The following BIRC6 variants were observed in gnomAD, a reference collection of about 807,000 sequenced individuals.
BIRC6 encodes dual E2 ubiquitin-conjugating enzyme/E3 ubiquitin-protein ligase BIRC6.
A neutral mutation model predicts 503.3 loss-of-function variants in BIRC6; 98 were observed. The ratio of observed to expected loss-of-function variants is 0.19; its 90% CI spans 0.17 to 0.23. BIRC6 has a LOEUF of 0.23. BIRC6 is among the 10% of genes least tolerant of loss of function. The probability of loss-of-function intolerance (pLI) is 1.00; values close to 1 mark genes in which losing one functional copy is unlikely to be tolerated. For missense variants in BIRC6, 5,360 were observed against 5,806.0 expected (o/e 0.92, Z 2.50); for synonymous variants, 2,240 against 2,078.7 (o/e 1.08, Z -2.11).
chr2:32,465,128 C>T lies in BIRC6; in HGVS notation c.5320C>T (p.Pro1774Ser). 6.2e-7 allele frequency: 1 copy of T among 1,601,574 alleles called. No individual in the cohort carries two copies. The highest frequency in any genetic ancestry group is 8.5e-7 in the Non-Finnish European group (1 of 1,171,802). ...SHASHFLQPPPHQSIIIERMH... is the reference protein window; with the variant it reads ...SHASHFLQPPSHQSIIIERMH... ...TGCTTCACATTTTCTTCAACCTCCG[C>T]CTCACCAGTCCATTATTATAGAGCG... Residue 1774 changes from proline to serine, a missense_variant, in exon 26 of 74, where the codon CCT (proline) becomes TCT (serine). Transcript: ENST00000421745.
rs75045003 is a variant in BIRC6, at chr2:32,606,088, C to A, written c.14071-1367C>A. On this transcript the variant is annotated intron_variant, in intron 71 of 73. Coordinates refer to ENST00000421745, the MANE Select transcript of BIRC6 (RefSeq NM_016252.4). ...GCCCAACAAAAGTGTAATTGCTGTTCTTTTTCATTTATGAATTGCGTAGAT... is the reference window on the plus strand; with the variant it reads ...GCCCAACAAAAGTGTAATTGCTGTTATTTTTCATTTATGAATTGCGTAGAT... Among the ~76,000 whole-genome samples, 289 of 152,202 alleles carry A rather than the reference C, an allele frequency of 1.9e-3. 1 individual carries two copies. Among genetic ancestry groups the A allele is most frequent in the African/African-American group, 6.3e-3 (262 of 41,508 alleles).
intron 6 of BIRC6, among the ~76,000 whole-genome samples, chr2:32,400,131 T>A (rs2040435140): frequency 6.6e-6 from 1 of 152,040 alleles, no homozygotes; most frequent in South Asian, 2.1e-4. Context: ...TGTTTTTAAT[T>A]TAACATTTCT....
chr2:32,424,703 CTA>C (rs1006923337), intron 10 of BIRC6, among the ~76,000 whole-genome samples: 17 of 151,902 alleles, frequency 1.1e-4, no homozygotes, highest in African/African-American at 4.1e-4. Flanking sequence ...AGTAGAGACA[CTA>C]TTTCGCCATG....
At chr2:32,379,072 G>T (rs2037242566) in intron 2 of BIRC6, 1 of 152,144 alleles carries the variant, frequency 6.6e-6, no homozygotes, top group Non-Finnish European at 1.5e-5. Context: ...TATTCACTTA[G>T]ATTTTACATT....
intron 42 of BIRC6, among the ~76,000 whole-genome samples, 173 bp downstream of exon 42, chr2:32,488,887 A>G (rs965790563): frequency 6.6e-6 from 1 of 152,200 alleles, no homozygotes; most frequent in Non-Finnish European, 1.5e-5. Flanking sequence ...GGAAAGATAC[A>G]GGGAGACCTT....
intron 43 of BIRC6, 135 bp downstream of exon 43, chr2:32,490,286 G>A (rs192173937): frequency 1.5e-5 from 11 of 720,224 alleles, no homozygotes; most frequent in Non-Finnish European, 2.3e-5. Flanking sequence ...GGTGGCTCAC[G>A]CCTGTAAACC....
rs573134702 is a variant in BIRC6, at chr2:32,561,461, A to C, written c.13144+11980A>C. On this transcript the variant is annotated intron_variant, in intron 65 of 73. Coordinates refer to ENST00000421745, the MANE Select transcript of BIRC6 (RefSeq NM_016252.4). ...CACCATGTTAACCAGGCAGGTCTGC[A>C]ACTTCTGACCTCAAATGATCTGCCC... Among the ~76,000 whole-genome samples, 173 of 151,840 alleles carry C rather than the reference A, an allele frequency of 1.1e-3. 1 individual carries two copies. Among genetic ancestry groups the C allele is most frequent in the African/African-American group, 4.0e-3 (165 of 41,474 alleles).
rs2055376337 is a variant in BIRC6 at position 32,519,187 on chromosome 2, TACAG to T, written c.11623+245_11623+248del. ...ACAGTGAGAAATGGGCAGCTAGAAA[TACAG>T]ACAAATAATTGATGGCATGTTCTCA... On this transcript the variant is annotated intron_variant, in intron 57 of 73. Coordinates refer to ENST00000421745, the MANE Select transcript of BIRC6 (RefSeq NM_016252.4). 1.6e-5 allele frequency: 6 copies of T among 370,998 alleles called. No homozygotes were observed. The South Asian group carries it at 2.2e-4, about 13-fold the overall frequency. The allele number at this position is 370,998 out of a possible 1,614,324, so 23.0% of individuals were successfully genotyped here. A position where few individuals can be genotyped will look rare whatever the true frequency, so the allele number is the denominator to read the frequency against.
intron 56 of BIRC6, among the ~76,000 whole-genome samples, 159 bp downstream of exon 56, chr2:32,518,556 C>T (rs893848912): frequency 2.0e-5 from 3 of 152,140 alleles, no homozygotes; most frequent in South Asian, 4.1e-4. Flanking sequence ...TTCAGGATAG[C>T]GCTCTCCCTC....
intron 1 of BIRC6, among the ~76,000 whole-genome samples, chr2:32,366,225 G>A (rs535772001): frequency 2.0e-5 from 3 of 152,176 alleles, no homozygotes; most frequent in African/African-American, 4.8e-5. Flanking sequence ...AGAATACAAC[G>A]TGAATGTTTT....
rs183271350 is a variant in BIRC6, at chr2:32,545,440, C to A, written c.12593-203C>A. Among the ~76,000 whole-genome samples the A allele has an allele frequency of 5.5e-3, 842 of 151,902 alleles. 9 individuals are homozygous for A. The highest frequency in any genetic ancestry group is 0.017 in the South Asian group (80 of 4,804). ...CCATTTTTTTGAGGTTTATGTATAC[C>A]GTGTCTGACAGAGTTTTTCCTGATA... On this transcript the variant is annotated intron_variant, in intron 62 of 73. Coordinates refer to ENST00000421745, the MANE Select transcript of BIRC6 (RefSeq NM_016252.4).
intron 1 of BIRC6, among the ~76,000 whole-genome samples, chr2:32,358,407 T>C (rs1475102663): frequency 6.6e-6 from 1 of 152,126 alleles, no homozygotes; most frequent in Non-Finnish European, 1.5e-5. Flanking sequence ...GTGGACGGAC[T>C]GGAGTGGTTT....
chr2:32,488,804 AG>A (rs2051315046), intron 42 of BIRC6, 90 bp downstream of exon 42: 1 of 958,494 alleles, frequency 1.0e-6, no homozygotes, highest in African/African-American at 1.7e-5. Context: ...CTTTGTCATT[AG>A]GGGTTATAAC....
chr2:32,584,773 G>T (rs556958580), intron 66 of BIRC6, among the ~76,000 whole-genome samples: 2 of 151,952 alleles, frequency 1.3e-5, no homozygotes, highest in Non-Finnish European at 2.9e-5. Context: ...TCCTCTACTT[G>T]CCTACTATCA....
chr2:32,375,346 G>A (rs1403294903), intron 1 of BIRC6, among the ~76,000 whole-genome samples: 3 of 152,118 alleles, frequency 2.0e-5, no homozygotes, highest in African/African-American at 4.8e-5. Context: ...GTATGGGAAA[G>A]TATTCAGTCT....
At chr2:32,419,857 C>T (rs79850641) in intron 10 of BIRC6, among the ~76,000 whole-genome samples, 1 of 152,044 alleles carries the variant, frequency 6.6e-6, no homozygotes, top group Admixed American at 6.5e-5. Context: ...GTACTTGTTT[C>T]TTGTGGAAAA....
intron 73 of BIRC6, among the ~76,000 whole-genome samples, chr2:32,613,781 T>G (rs931470470): frequency 6.6e-6 from 1 of 152,248 alleles, no homozygotes; most frequent in African/African-American, 2.4e-5. Context: ...GTAGACTATC[T>G]TGGCTTTTCT....
intron 23 of BIRC6, among the ~76,000 whole-genome samples, chr2:32,454,636 T>G (rs1225670379): frequency 2.0e-5 from 3 of 152,246 alleles, no homozygotes; most frequent in Non-Finnish European, 4.4e-5. Flanking sequence ...GTGATTCTTC[T>G]GTTGATGGTT....
At chr2:32,384,434 C>T (rs1292949088) in intron 3 of BIRC6, among the ~76,000 whole-genome samples, 1 of 151,010 alleles carries the variant, frequency 6.6e-6, no homozygotes, top group East Asian at 1.9e-4. Flanking sequence ...AAGTTTTCTA[C>T]AATACCATGA....
Sources: gnomAD v4.1 joint callset for allele counts (sites outside exome capture counted in the v4.1 genomes callset) on GRCh38, gnomAD v4.1.1 for gene constraint, MANE v1.5 for transcripts, NCBI Gene and HGNC (gene_info 2026-07-23, HGNC 2026-07-21) for gene names.